Variants in TARS1 observed in about 807,000 individuals in gnomAD.
TARS1 encodes threonyl-tRNA synthetase 1.
Under a neutral mutation model 97.7 loss-of-function variants are expected in TARS1, and 57 were observed. The ratio of observed to expected loss-of-function variants is 0.58; its 90% CI spans 0.47 to 0.73. The LOEUF is 0.73. Ranked by LOEUF, TARS1 falls within the 30% of genes least tolerant of loss-of-function variation. TARS1 has a pLI of 0.00. For synonymous variants in TARS1, 312 were observed against 293.7 expected, an observed-to-expected ratio of 1.06 and a Z score of -0.64; for missense variants, 806 against 888.3, an observed-to-expected ratio of 0.91 and a Z score of 1.18.
At position 33,441,219 on chromosome 5, in the gene TARS1, G is replaced by C. The variant is rs192884792; in HGVS notation, c.57+76G>C. ...CAGACGCTACGCTCGCGGCGGGAGC[G>C]GGGGGCAGGAAGCAGGAAGCGGCCG... On this transcript the variant is annotated intron_variant, in intron 1 of 18. Transcript: ENST00000265112. 7.2e-4 allele frequency: 1,131 copies of C among 1,580,164 alleles called. 10 individuals carry two copies. The African/African-American group carries it at 0.014, about 20-fold the overall frequency.
chr5:33,455,801 C>T, intron 6 of TARS1, 97 bp downstream of exon 6: 1 of 1,021,666 alleles, frequency 9.8e-7, no homozygotes, highest in Non-Finnish European at 1.5e-6. Flanking sequence ...AAGCTGAAGT[C>T]TAATTGGTTC....
intron 3 of TARS1, 50 bp downstream of exon 3, chr5:33,448,781 C>A: frequency 7.5e-7 from 1 of 1,340,500 alleles, no homozygotes. Flanking sequence ...TCTAACTAAA[C>A]TTCCTTTTAT....
chr5:33,461,409 T>C (rs1035606648), intron 13 of TARS1, 114 bp downstream of exon 13: 2 of 1,423,320 alleles, frequency 1.4e-6, no homozygotes. Context: ...TTGGAAATGG[T>C]TCCTAGGTTT....
chr5:33,449,330 C>T (rs1403757939), intron 3 of TARS1, among the ~76,000 whole-genome samples: 3 of 103,286 alleles, frequency 2.9e-5, no homozygotes, highest in African/African-American at 8.5e-5. Context: ...TATATATACG[C>T]GTATATATAC....
intron 4 of TARS1, 45 bp from the exon 5 acceptor site, chr5:33,454,900 T>G: frequency 6.3e-7 from 1 of 1,594,404 alleles, no homozygotes; most frequent in Non-Finnish European, 8.5e-7. Flanking sequence ...ATTGGCAACT[T>G]GTATGCCAAG....
chr5:33,450,071 A>G (rs1433969805), intron 3 of TARS1, among the ~76,000 whole-genome samples: 1 of 152,234 alleles, frequency 6.6e-6, no homozygotes, highest in Admixed American at 6.5e-5. Context: ...GCAGATTTTC[A>G]TGTAGTTGTA....
At position 33,463,809 on chromosome 5, in the gene TARS1, A is replaced by G. The variant is rs1742407793; in HGVS notation, c.1892A>G (p.Asp631Gly). ...VMVVPVGPTC[D>G]EYAQKVRQQF... The stretch of plus-strand genomic sequence containing the variant: ...GTAGTTCCAGTGGGACCAACCTGTG[A>G]TGAATATGCCCAAAAGGTAAGCCTT... The change falls in exon 17 of 19, where the codon GAT becomes GGT. Residue 631 changes from aspartate to glycine, a missense_variant. Physicochemically the swap from Asp to Gly is moderately conservative, Grantham distance 94. Coordinates refer to ENST00000265112, the MANE Select transcript of TARS1 (RefSeq NM_152295.5). The G allele has an allele frequency of 6.2e-7, 1 of 1,612,158 alleles. No individual in the cohort carries two copies. Among genetic ancestry groups the G allele is most frequent in the East Asian group, 2.2e-5 (1 of 44,854 alleles).
At position 33,467,671 on chromosome 5, in the gene TARS1, A is replaced by T; in HGVS notation, c.2135A>T (p.Lys712Ile). ...ACTATCGAGCGGCTACAGCAGCTCA[A>T]AGAGTTCCGCAGCAAACAGGCAGAA... ...SETIERLQQL[K>I]EFRSKQAEEE... is the part of the protein sequence containing the mutation. Residue 712 changes from lysine (K) to isoleucine (I), a missense_variant, in exon 19 of 19, where the codon AAA becomes ATA. By Grantham distance (102) the Lys-to-Ile change is moderately radical (BLOSUM62 -3). Transcript: ENST00000265112. The T allele has an allele frequency of 6.2e-7, 1 of 1,613,732 alleles. No individual in the cohort carries two copies. Among genetic ancestry groups the T allele is most frequent in the Non-Finnish European group, 8.5e-7 (1 of 1,179,854 alleles).
At chr5:33,465,216 T>C (rs1742476760) in intron 17 of TARS1, among the ~76,000 whole-genome samples, 1 of 152,238 alleles carries the variant, frequency 6.6e-6, no homozygotes, top group African/African-American at 2.4e-5. Flanking sequence ...GTTCCATGGT[T>C]GAGTGCACTT....
intron 16 of TARS1, among the ~76,000 whole-genome samples, chr5:33,462,763 G>A (rs1742354764): frequency 6.6e-6 from 1 of 152,112 alleles, no homozygotes; most frequent in Non-Finnish European, 1.5e-5. Context: ...GTTTTTTCTG[G>A]ACCCACAGTG....
At chr5:33,441,375 G>A in intron 1 of TARS1, 2 of 554,892 alleles carry the variant, frequency 3.6e-6, no homozygotes, top group East Asian at 3.0e-5. Context: ...CTTTACAGAT[G>A]AGGAAACAGA....
At chr5:33,467,493 G>C (rs1232876233) in intron 18 of TARS1, 67 bp from the exon 19 acceptor site, 1 of 1,552,144 alleles carries the variant, frequency 6.4e-7, no homozygotes, top group Non-Finnish European at 8.7e-7. Context: ...TTTCTTTTCA[G>C]ATGTTCAGTG....
rs111861274 is a variant in TARS1 at position 33,459,766 on chromosome 5, C to T, written c.1155C>T (p.Thr385=). ...PNIFNSRLWM[T]SGHWQHYSEN... ...TCTTCAACAGCCGACTCTGGATGAC[C>T]TCGGGCCACTGGCAGCACTACAGCG... The change falls in exon 11 of 19, where the codon ACC becomes ACT. Residue 385 remains threonine, a synonymous_variant. Transcript: ENST00000265112. The T allele has an allele frequency of 4.3e-6, 7 of 1,614,014 alleles. No individual in the cohort carries two copies. In the African/African-American group the frequency reaches 6.7e-5, roughly 15 times the overall value.
At chr5:33,456,580 C>T (rs181922827) in intron 8 of TARS1, among the ~76,000 whole-genome samples, 6 of 152,126 alleles carry the variant, frequency 3.9e-5, no homozygotes, top group African/African-American at 7.2e-5. Flanking sequence ...TTAACAGAAC[C>T]CAGTTTTATA....
chr5:33,451,475 C>T (rs573789786), intron 3 of TARS1, among the ~76,000 whole-genome samples: 12 of 151,416 alleles, frequency 7.9e-5, no homozygotes, highest in African/African-American at 2.9e-4. Flanking sequence ...CCTGGGTTGA[C>T]GCCATTCTCC....
At chr5:33,440,930 CG>C, upstream of TARS1, 1 of 766,718 alleles carries the variant, frequency 1.3e-6, no homozygotes, top group Non-Finnish European at 2.1e-6. Context: ...CTGCTCGTTC[CG>C]CCGCAAGTTG....
At chr5:33,459,662 T>C (rs1204868072) in intron 10 of TARS1, 33 bp from the exon 11 acceptor site, 5 of 1,609,294 alleles carry the variant, frequency 3.1e-6, no homozygotes, top group Non-Finnish European at 3.4e-6. Flanking sequence ...AGCATTTATT[T>C]GCCTACACAT....
chr5:33,455,548 T>C (rs1460989689), intron 5 of TARS1, 39 bp from the exon 6 acceptor site: 1 of 1,365,668 alleles, frequency 7.3e-7, no homozygotes, highest in East Asian at 2.3e-5. Flanking sequence ...ATGGTGTGAT[T>C]CGAATGGAAT....
chr5:33,461,089 C>T, intron 12 of TARS1, 25 bp downstream of exon 12: 1 of 1,608,612 alleles, frequency 6.2e-7, no homozygotes, highest in Non-Finnish European at 8.5e-7. Context: ...GAATAAAATA[C>T]TTAGAAAGAA....
Sources: gnomAD v4.1 joint callset for allele counts (sites outside exome capture counted in the v4.1 genomes callset) on GRCh38, gnomAD v4.1.1 for gene constraint, MANE v1.5 for transcripts, NCBI Gene and HGNC (gene_info 2026-07-23, HGNC 2026-07-21) for gene names.